The following AOPEP variants were observed in gnomAD, a reference collection of about 807,000 sequenced individuals.
AOPEP encodes aminopeptidase O (putative).
A neutral mutation model predicts 98.1 loss-of-function variants in AOPEP; 77 were observed. The observed-to-expected ratio is 0.78, with a 90% confidence interval of 0.65 to 0.95. The LOEUF (loss-of-function observed/expected upper bound fraction) is 0.95, where lower values mean the gene tolerates loss of function less well. AOPEP is among the 40% of genes least tolerant of loss of function. The pLI, the probability that AOPEP is intolerant of heterozygous loss-of-function variation, is 0.00. For missense variants in AOPEP, 1,024 were observed against 1,024.7 expected (o/e 1.00, Z 0.01); for synonymous variants, 346 against 365.3 (o/e 0.95, Z 0.60).
At chr9:94,754,240 G>C (rs992160391) in intron 1 of AOPEP, among the ~76,000 whole-genome samples, 1 of 152,310 alleles carries the variant, frequency 6.6e-6, no homozygotes, top group South Asian at 2.1e-4. Context: ...ATTTGAGTGT[G>C]TGAAGAATTG....
intron 13 of AOPEP, among the ~76,000 whole-genome samples, chr9:95,053,163 G>A (rs1473735887): frequency 3.3e-5 from 5 of 152,082 alleles, no homozygotes; most frequent in Non-Finnish European, 7.4e-5. Context: ...TCTTTTAAGT[G>A]AATTATTAGG....
chr9:94,775,935 C>T (rs986644698), intron 3 of AOPEP, among the ~76,000 whole-genome samples: 22 of 151,940 alleles, frequency 1.4e-4, no homozygotes, highest in Non-Finnish European at 2.1e-4. Flanking sequence ...GCCGAGATCA[C>T]GCCACTGCAC....
downstream of AOPEP, among the ~76,000 whole-genome samples, chr9:95,090,365 C>A (rs112256881): frequency 6.6e-6 from 1 of 152,240 alleles, no homozygotes; most frequent in African/African-American, 2.4e-5. Flanking sequence ...CCGCAGGAGC[C>A]GGGCAGCCCA....
At chr9:94,781,028 G>A (rs1057461348) in intron 3 of AOPEP, among the ~76,000 whole-genome samples, 1 of 152,050 alleles carries the variant, frequency 6.6e-6, no homozygotes, top group Admixed American at 6.5e-5. Context: ...AAAATGAAGG[G>A]TAATGGTTTG....
At chr9:95,023,375 A>C (rs1454007963) in intron 13 of AOPEP, among the ~76,000 whole-genome samples, 2 of 152,194 alleles carry the variant, frequency 1.3e-5, no homozygotes, top group African/African-American at 4.8e-5. Context: ...CTGGGAAAGC[A>C]GCCCAGTCAC....
chr9:95,085,941 G>A (rs896579262), intron 16 of AOPEP: 28 of 1,317,126 alleles, frequency 2.1e-5, no homozygotes, highest in Non-Finnish European at 2.7e-5. Context: ...CCAGGCCTTC[G>A]CGTCTCCTGC....
chr9:95,148,490 T>C, the AOPEP span, among the ~76,000 whole-genome samples: 1 of 152,372 alleles, frequency 6.6e-6, no homozygotes, highest in South Asian at 2.1e-4. Context: ...TTGTAGCCCA[T>C]GATAAATTTT....
At chr9:95,023,016 A>G (rs2063576729) in intron 13 of AOPEP, among the ~76,000 whole-genome samples, 1 of 152,030 alleles carries the variant, frequency 6.6e-6, no homozygotes, top group African/African-American at 2.4e-5. Context: ...TTGAAATCCC[A>G]CCTTTTTGCC....
At chr9:94,862,790 C>T (rs539962108) in intron 5 of AOPEP, among the ~76,000 whole-genome samples, 3 of 152,208 alleles carry the variant, frequency 2.0e-5, no homozygotes, top group African/African-American at 7.2e-5. Flanking sequence ...ATAGGTGGTG[C>T]GTGTTTGTCC....
chr9:94,932,317 G>C, intron 7 of AOPEP: 2 of 976,098 alleles, frequency 2.0e-6, no homozygotes, highest in Non-Finnish European at 2.4e-6. Context: ...CTTGGTTATA[G>C]ATACTGGAGT....
chr9:94,930,101 G>A lies in AOPEP; in HGVS notation c.1661+1570G>A, dbSNP rs1399448309. ...GACGGTGCTGCTCTGCTGCTGTGTG[G>A]AGAGCACCACAGGCAGCCGACGGAA... On this transcript the variant is annotated intron_variant, in intron 7 of 16. Coordinates refer to ENST00000375315, the MANE Select transcript of AOPEP (RefSeq NM_001193329.3). This position sits in a 1 kb window ranked among gnomAD's most constrained non-coding sequence, Gnocchi z 4.5. Among the ~76,000 whole-genome samples, 1 of 152,196 alleles carries A rather than the reference G, an allele frequency of 6.6e-6. No individual in the cohort carries two copies. The highest frequency in any genetic ancestry group is 1.5e-5 in the Non-Finnish European group (1 of 68,048).
At chr9:94,735,074 C>G (rs1034400379) in intron 1 of AOPEP, among the ~76,000 whole-genome samples, 1 of 152,086 alleles carries the variant, frequency 6.6e-6, no homozygotes, top group Admixed American at 6.6e-5. Context: ...TATGCATTGA[C>G]CAGTGAAATT....
chr9:94,997,565 A>G (rs936538000), intron 11 of AOPEP, among the ~76,000 whole-genome samples: 1 of 152,226 alleles, frequency 6.6e-6, no homozygotes, highest in African/African-American at 2.4e-5. Context: ...TCCCACTCTC[A>G]GAGATGTGAA....
chr9:95,046,333 T>C (rs1443497435), intron 13 of AOPEP, among the ~76,000 whole-genome samples: 4 of 152,216 alleles, frequency 2.6e-5, no homozygotes, highest in Admixed American at 6.5e-5. Context: ...CATGCTAAAA[T>C]GTTTGTGTGA....
chr9:94,890,496 GTTTT>G (rs2048761412), intron 5 of AOPEP, among the ~76,000 whole-genome samples: 1 of 152,134 alleles, frequency 6.6e-6, no homozygotes, highest in Non-Finnish European at 1.5e-5. Context: ...AGTTTTGAGA[GTTTT>G]CATTTTCAGT....
At chr9:95,014,488 A>G (rs2062823781) in intron 13 of AOPEP, among the ~76,000 whole-genome samples, 1 of 152,132 alleles carries the variant, frequency 6.6e-6, no homozygotes, top group African/African-American at 2.4e-5. Flanking sequence ...AAAAAAGAGA[A>G]AAGAAACTTA....
intron 13 of AOPEP, chr9:95,019,427 TTTTG>T (rs2063283739): frequency 6.6e-6 from 1 of 152,196 alleles, no homozygotes; most frequent in African/African-American, 2.4e-5. Context: ...AAGTCGCTGA[TTTTG>T]TTTCTTTTTT....
intron 14 of AOPEP, among the ~76,000 whole-genome samples, 162 bp from the exon 15 acceptor site, chr9:95,080,532 A>G (rs1485291374): frequency 6.6e-6 from 1 of 152,070 alleles, no homozygotes; most frequent in African/African-American, 2.4e-5. Context: ...AATAAAAAGT[A>G]AAAAAAATAT....
intron 11 of AOPEP, among the ~76,000 whole-genome samples, chr9:94,988,713 C>T (rs1278311234): frequency 6.6e-6 from 1 of 152,052 alleles, no homozygotes; most frequent in Non-Finnish European, 1.5e-5. Context: ...TCTAGCTCTG[C>T]AGGCTTGAGT....
Sources: gnomAD v4.1 joint callset for allele counts (sites outside exome capture counted in the v4.1 genomes callset) on GRCh38, gnomAD v4.1.1 for gene constraint, Gnocchi (gnomAD v3.1) non-coding constraint, MANE v1.5 for transcripts, NCBI Gene and HGNC (gene_info 2026-07-23, HGNC 2026-07-21) for gene names.